The following TMC1 variants were observed in gnomAD, a reference collection of about 807,000 sequenced individuals.
TMC1 encodes transmembrane channel like 1, also known as transmembrane channel-like protein 1.
TMC1 carries 84 observed loss-of-function variants against 105.8 expected under a neutral mutation model. The ratio of observed to expected loss-of-function variants is 0.79; its 90% CI spans 0.67 to 0.95. The LOEUF is 0.95. TMC1 is among the 40% of genes least tolerant of loss of function. TMC1 has a pLI of 0.00. For missense variants in TMC1, 817 were observed against 914.1 expected (o/e 0.89, Z 1.37); for synonymous variants, 315 against 311.5 (o/e 1.01, Z -0.12).
chr9:72,666,347 A>C (rs1050124874), intron 5 of TMC1, among the ~76,000 whole-genome samples: 1 of 152,112 alleles, frequency 6.6e-6, no homozygotes, highest in Non-Finnish European at 1.5e-5. Context: ...GACCTTCTCT[A>C]AGGACACTGG....
At chr9:72,674,315 G>A (rs1826168634) in intron 5 of TMC1, among the ~76,000 whole-genome samples, 2 of 151,800 alleles carry the variant, frequency 1.3e-5, no homozygotes, top group African/African-American at 4.8e-5. Flanking sequence ...AAAATGCAAA[G>A]GACCTACAAG....
At chr9:72,571,092 G>A (rs568110136) in intron 1 of TMC1, among the ~76,000 whole-genome samples, 1 of 149,294 alleles carries the variant, frequency 6.7e-6, no homozygotes, top group South Asian at 2.2e-4. Flanking sequence ...GGAGGCCAAG[G>A]CAGGCGGATC....
chr9:72,558,666 G>A (rs948856995), intron 1 of TMC1, among the ~76,000 whole-genome samples: 1 of 152,116 alleles, frequency 6.6e-6, no homozygotes, highest in African/African-American at 2.4e-5. Flanking sequence ...TTGAAAAATC[G>A]GGATGATAAT....
rs542742472 is a variant in TMC1, at chr9:72,526,367, A to G, written c.-428+4454A>G. Among the ~76,000 whole-genome samples the G allele has an allele frequency of 1.1e-4, 17 of 152,346 alleles. No homozygotes were observed. In the East Asian group the frequency reaches 1.9e-3, roughly 17 times the overall value. On this transcript the variant is annotated intron_variant, in intron 1 of 23. Coordinates refer to ENST00000297784, the MANE Select transcript of TMC1 (RefSeq NM_138691.3). ...GTCACTGTGTAGGACAATGGAGAAC[A>G]CAGTAAAAAACCCTCAATGGATACT...
intron 12 of TMC1, among the ~76,000 whole-genome samples, chr9:72,770,666 A>G (rs757879829): frequency 3.9e-5 from 6 of 152,124 alleles, no homozygotes; most frequent in South Asian, 4.1e-4. Flanking sequence ...ATAGGCTCAC[A>G]CAACCATGGA....
At chr9:72,752,615 G>A (rs1434527359) in intron 11 of TMC1, among the ~76,000 whole-genome samples, 4 of 152,154 alleles carry the variant, frequency 2.6e-5, no homozygotes, top group Non-Finnish European at 4.4e-5. Flanking sequence ...AAGCTAGACT[G>A]AGGTCAGAGC....
intron 5 of TMC1, among the ~76,000 whole-genome samples, chr9:72,688,379 C>T (rs1197927829): frequency 6.6e-6 from 1 of 152,070 alleles, no homozygotes; most frequent in East Asian, 1.9e-4. Context: ...AATAACCCGA[C>T]AAACCCCAAG....
At chr9:72,785,537 C>T (rs931337828) in intron 13 of TMC1, among the ~76,000 whole-genome samples, 5 of 152,150 alleles carry the variant, frequency 3.3e-5, no homozygotes, top group African/African-American at 9.7e-5. Flanking sequence ...TCTGAATTGC[C>T]AGCATCACTG....
intron 2 of TMC1, among the ~76,000 whole-genome samples, chr9:72,603,990 C>T (rs1263930204): frequency 6.6e-6 from 1 of 151,370 alleles, no homozygotes; most frequent in Non-Finnish European, 1.5e-5. Context: ...CTTCAGCCTC[C>T]CAGGTAGCTG....
chr9:72,819,098 T>C (rs1431275644), intron 19 of TMC1, among the ~76,000 whole-genome samples: 1 of 152,194 alleles, frequency 6.6e-6, no homozygotes, highest in Non-Finnish European at 1.5e-5. Context: ...AAAAGGAACA[T>C]GTTCAATGTG....
chr9:72,789,748 A>C (rs957842846), intron 15 of TMC1, among the ~76,000 whole-genome samples: 1 of 152,134 alleles, frequency 6.6e-6, no homozygotes, highest in Non-Finnish European at 1.5e-5. Flanking sequence ...TTGTTGCCTG[A>C]ACTTTTTGAA....
chr9:72,772,632 A>G (rs758665269), intron 13 of TMC1, 77 bp downstream of exon 13: 2 of 1,587,878 alleles, frequency 1.3e-6, no homozygotes, highest in Middle Eastern at 1.7e-4. Context: ...GGGATTGGAT[A>G]TAATTTTGTT....
intron 2 of TMC1, among the ~76,000 whole-genome samples, chr9:72,590,219 C>T (rs1203005357): frequency 6.6e-6 from 1 of 152,178 alleles, no homozygotes; most frequent in Non-Finnish European, 1.5e-5. Flanking sequence ...TGTATTTGAC[C>T]GTTTGATCTC....
In TMC1 at chr9:72,700,713, C is replaced by CATATATATATAT. The variant is rs72200654; in HGVS notation, c.362+90_362+101dup. On this transcript the variant is annotated intron_variant, in intron 8 of 23. Coordinates refer to ENST00000297784, the MANE Select transcript of TMC1 (RefSeq NM_138691.3). ...GATTTTCTAAATCCTCTGAATATTC[C>CATATATATATAT]ATATATATATATATATATATATATA... 8.7e-4 allele frequency: 279 copies of CATATATATATAT among 320,814 alleles called. 2 individuals are homozygous for CATATATATATAT. Among genetic ancestry groups the CATATATATATAT allele is most frequent in the African/African-American group, 7.7e-3 (267 of 34,640 alleles). 19.9% of individuals were successfully genotyped at this position (320,814 alleles called of 1,614,324 possible).
chr9:72,530,149 T>G (rs1050747077), intron 1 of TMC1, among the ~76,000 whole-genome samples: 1 of 152,090 alleles, frequency 6.6e-6, no homozygotes, highest in Non-Finnish European at 1.5e-5. Context: ...CAGCAGAATA[T>G]TTTAGGTGGC....
At chr9:72,598,177 C>T (rs1824749801) in intron 2 of TMC1, among the ~76,000 whole-genome samples, 3 of 152,146 alleles carry the variant, frequency 2.0e-5, no homozygotes, top group Non-Finnish European at 2.9e-5. Context: ...CTGGAGTCCC[C>T]CCACATACCC....
At position 72,836,581 on chromosome 9, in the gene TMC1, G is replaced by GA. The variant is rs574773332; in HGVS notation, c.*617dup. 2.6e-3 allele frequency: 395 copies of GA among 151,220 alleles called. 4 individuals carry two copies. Among genetic ancestry groups the GA allele is most frequent in the South Asian group, 6.2e-3 (30 of 4,808 alleles). The allele number at this position is 151,220 out of a possible 1,614,324, so 9.4% of individuals were successfully genotyped here. A position where few individuals can be genotyped will look rare whatever the true frequency, so the allele number is the denominator to read the frequency against. ...ATGAAAAGAAATAGGGTTTTTAGAA[G>GA]AAAAAAAAATCCTATATGAATTGGG... On this transcript the variant is annotated 3_prime_UTR_variant, in exon 24 of 24. Coordinates refer to ENST00000297784, the MANE Select transcript of TMC1 (RefSeq NM_138691.3).
At chr9:72,586,469 G>T (rs761442485) in intron 2 of TMC1, among the ~76,000 whole-genome samples, 3 of 152,166 alleles carry the variant, frequency 2.0e-5, no homozygotes, top group Admixed American at 6.5e-5. Context: ...CCACAATCTA[G>T]GTCAGAGAAG....
intron 2 of TMC1, among the ~76,000 whole-genome samples, chr9:72,582,026 C>T (rs951959790): frequency 1.3e-5 from 2 of 152,174 alleles, no homozygotes; most frequent in Admixed American, 6.5e-5. Context: ...GGCGCGATCT[C>T]GGCTCACCGC....
Sources: gnomAD v4.1 joint callset for allele counts (sites outside exome capture counted in the v4.1 genomes callset) on GRCh38, gnomAD v4.1.1 for gene constraint, MANE v1.5 for transcripts, NCBI Gene and HGNC (gene_info 2026-07-23, HGNC 2026-07-21) for gene names.